WDPCP: variants seen among roughly 807,000 people sequenced by gnomAD.
The protein encoded by WDPCP is WD repeat containing planar cell polarity effector, also known as WD repeat-containing and planar cell polarity effector protein fritz homolog.
A neutral mutation model predicts 93.1 loss-of-function variants in WDPCP; 71 were observed. The ratio of observed to expected loss-of-function variants is 0.76; its 90% confidence interval spans 0.63 to 0.93. WDPCP has a LOEUF of 0.93. WDPCP is among the 40% of genes least tolerant of loss of function. The pLI, the probability that WDPCP is intolerant of heterozygous loss-of-function variation, is 0.00. For missense variants in WDPCP, 844 were observed against 887.4 expected (o/e 0.95, Z 0.62); for synonymous variants, 315 against 315.0 (o/e 1.00, Z 0.00).
intron 15 of WDPCP, among the ~76,000 whole-genome samples, chr2:63,170,540 A>T (rs547392532): frequency 2.6e-5 from 4 of 152,262 alleles, no homozygotes; most frequent in African/African-American, 9.6e-5. Context: ...AAGTGCTGGT[A>T]TTACAGGCGT....
intron 13 of WDPCP, among the ~76,000 whole-genome samples, chr2:63,277,674 G>C (rs1297677382): frequency 6.6e-6 from 1 of 152,146 alleles, no homozygotes; most frequent in African/African-American, 2.4e-5. Flanking sequence ...ATTATATAAT[G>C]ATAAAAGGGC....
Position 63,143,095 on chromosome 2 carries a change from G to A in WDPCP, c.2190+9819C>T, listed in dbSNP as rs1671217655. ...CCTCGTGGAGTAGCGGGGACTACAGGCACATGTCACCGCAGGTGCCTCTGT... is the reference window on the plus strand; with the variant it reads ...CCTCGTGGAGTAGCGGGGACTACAGACACATGTCACCGCAGGTGCCTCTGT... On this transcript the variant is annotated intron_variant, in intron 17 of 17. Transcript: ENST00000272321. Among the ~76,000 whole-genome samples the A allele has an allele frequency of 1.3e-5, 2 of 152,036 alleles. 1 individual carries two copies. The highest frequency in any genetic ancestry group is 4.2e-4 in the South Asian group (2 of 4,814).
At chr2:63,139,170 TACAC>T (rs143596446) in intron 17 of WDPCP, among the ~76,000 whole-genome samples, 245 of 148,824 alleles carry the variant, frequency 1.6e-3, no homozygotes, top group Middle Eastern at 0.01. Flanking sequence ...TATATGTGTA[TACAC>T]ACACACACAC....
chr2:63,557,299 T>C (rs1706203483), intron 1 of WDPCP, among the ~76,000 whole-genome samples: 1 of 151,784 alleles, frequency 6.6e-6, no homozygotes, highest in Non-Finnish European at 1.5e-5. Context: ...AGGCTCAAAA[T>C]AAAACGATGA....
At chr2:63,224,337 C>T (rs2104505582) in intron 14 of WDPCP, among the ~76,000 whole-genome samples, 1 of 152,066 alleles carries the variant, frequency 6.6e-6, no homozygotes, top group South Asian at 2.1e-4. Flanking sequence ...TTGGTGCTTC[C>T]TTACAAAACT....
At chr2:63,547,840 T>C (rs1284156363) in intron 1 of WDPCP, among the ~76,000 whole-genome samples, 2 of 151,770 alleles carry the variant, frequency 1.3e-5, no homozygotes, top group Non-Finnish European at 2.9e-5. Context: ...TGAAGAGCAG[T>C]TTATTAATAG....
chr2:63,143,166 T>C (rs1050507217), intron 17 of WDPCP, among the ~76,000 whole-genome samples: 6 of 152,178 alleles, frequency 3.9e-5, no homozygotes, highest in African/African-American at 1.4e-4. Flanking sequence ...TTTACCATTA[T>C]ATAATGTCCC....
At chr2:63,510,150 A>C (rs1702137520) in intron 1 of WDPCP, among the ~76,000 whole-genome samples, 1 of 152,208 alleles carries the variant, frequency 6.6e-6, no homozygotes, top group Non-Finnish European at 1.5e-5. Flanking sequence ...TCAGGCCAAT[A>C]TCTCTGATGA....
intron 2 of WDPCP, among the ~76,000 whole-genome samples, chr2:63,663,210 C>T (rs1261014286): frequency 6.6e-6 from 1 of 152,192 alleles, no homozygotes; most frequent in Non-Finnish European, 1.5e-5. Flanking sequence ...TTGGTAGCTT[C>T]CCTGTACCCT....
rs200415678 is a variant in WDPCP at position 63,404,603 on chromosome 2, T to C, written c.880A>G (p.Lys294Glu). ...ACTGTGAACACCTGATAAGGCTGTTTGGTGCCAAAGCGAACATCCAGTGGG... is the reference window on the plus strand; with the variant it reads ...ACTGTGAACACCTGATAAGGCTGTTCGGTGCCAAAGCGAACATCCAGTGGG... Reference protein sequence around the residue: ...WDPLDVRFGTKQPYQVFTVEH... With the variant: ...WDPLDVRFGTEQPYQVFTVEH... The change falls in exon 10 of 18, where the codon AAA becomes GAA. Residue 294 changes from lysine (K) to glutamate (E), a missense_variant. Physicochemically the swap from Lys to Glu is moderately conservative, Grantham distance 56. Coordinates refer to ENST00000272321, the MANE Select transcript of WDPCP (RefSeq NM_015910.7). 1 of 1,614,138 alleles carries C rather than the reference T, an allele frequency of 6.2e-7. No individual in the cohort carries two copies. Among genetic ancestry groups the C allele is most frequent in the African/African-American group, 1.3e-5 (1 of 75,064 alleles).
At chr2:63,724,208 A>G (rs1010008094) in intron 2 of WDPCP, among the ~76,000 whole-genome samples, 2 of 152,220 alleles carry the variant, frequency 1.3e-5, no homozygotes, top group African/African-American at 4.8e-5. Flanking sequence ...TTACCCATAA[A>G]TATATCTACC....
chr2:63,269,536 C>CA (rs1188839619), intron 13 of WDPCP, among the ~76,000 whole-genome samples: 3 of 151,870 alleles, frequency 2.0e-5, no homozygotes, highest in Admixed American at 6.6e-5. Flanking sequence ...AAATTTACAG[C>CA]AAAAAAAGCA....
intron 2 of WDPCP, among the ~76,000 whole-genome samples, chr2:63,722,015 T>A (rs867732178): frequency 0.011 from 1,687 of 151,954 alleles, 15 homozygotes; most frequent in African/African-American, 0.035. Context: ...GCAGACGGAG[T>A]CTCGTTCACT....
At chr2:63,160,792 G>A (rs980058425) in intron 15 of WDPCP, among the ~76,000 whole-genome samples, 1 of 152,126 alleles carries the variant, frequency 6.6e-6, no homozygotes, top group South Asian at 2.1e-4. Flanking sequence ...AAAACATCAG[G>A]TGAAAGGTTG....
intron 2 of WDPCP, among the ~76,000 whole-genome samples, chr2:63,695,794 T>C (rs1433317932): frequency 6.6e-6 from 1 of 152,182 alleles, no homozygotes; most frequent in Non-Finnish European, 1.5e-5. Flanking sequence ...TCCAGCAACA[T>C]GGTTTCCCAG....
At chr2:63,217,128 T>C (rs1677425545) in intron 14 of WDPCP, among the ~76,000 whole-genome samples, 2 of 152,254 alleles carry the variant, frequency 1.3e-5, no homozygotes, top group African/African-American at 4.8e-5. Context: ...GGCTGATGCC[T>C]GTTAGTCTTT....
At chr2:63,676,493 AC>A (rs1309645128) in intron 2 of WDPCP, among the ~76,000 whole-genome samples, 1 of 152,210 alleles carries the variant, frequency 6.6e-6, no homozygotes, top group Non-Finnish European at 1.5e-5. Flanking sequence ...AGAATTACCT[AC>A]AAAGATTAAA....
At chr2:63,604,563 T>G in intron 3 of WDPCP, 1 of 709,796 alleles carries the variant, frequency 1.4e-6, no homozygotes, top group Non-Finnish European at 2.3e-6. Context: ...TTTTTACAAG[T>G]CAATATAACT....
intron 1 of WDPCP, among the ~76,000 whole-genome samples, chr2:63,535,824 A>G (rs1038897575): frequency 6.6e-6 from 1 of 152,224 alleles, no homozygotes; most frequent in Non-Finnish European, 1.5e-5. Flanking sequence ...TATCTAAAAC[A>G]CCAAAAGCAA....
Sources: gnomAD v4.1 joint callset for allele counts (sites outside exome capture counted in the v4.1 genomes callset) on GRCh38, gnomAD v4.1.1 for gene constraint, MANE v1.5 for transcripts, NCBI Gene and HGNC (gene_info 2026-07-23, HGNC 2026-07-21) for gene names.